Variants in SDK2 observed in about 807,000 individuals in gnomAD.
SDK2 encodes protein sidekick-2.
A neutral mutation model predicts 253.9 loss-of-function variants in SDK2; 105 were observed. The observed-to-expected ratio is 0.41, with a 90% confidence interval of 0.35 to 0.49. The LOEUF is 0.49. Ranked by LOEUF, SDK2 falls within the 20% of genes least tolerant of loss-of-function variation. SDK2 has a pLI of 0.06. For synonymous variants in SDK2, 1,249 were observed against 1,234.9 expected, an observed-to-expected ratio of 1.01 and a Z score of -0.24; for missense variants, 2,608 against 3,003.0, an observed-to-expected ratio of 0.87 and a Z score of 3.07.
intron 40 of SDK2, among the ~76,000 whole-genome samples, chr17:73,355,178 T>A (rs1393746335): frequency 0.035 from 380 of 10,738 alleles, 10 homozygotes; most frequent in African/African-American, 0.09. Context: ...ATATATATTT[T>A]TTTTTTTTTT....
At chr17:73,373,894 C>A (rs2062756472) in intron 36 of SDK2, among the ~76,000 whole-genome samples, 1 of 147,756 alleles carries the variant, frequency 6.8e-6, no homozygotes, top group South Asian at 2.2e-4. Flanking sequence ...ACCTTGGCTT[C>A]CCAAAGTGCT....
At chr17:73,526,103 G>A (rs1185965061) in intron 1 of SDK2, among the ~76,000 whole-genome samples, 2 of 152,202 alleles carry the variant, frequency 1.3e-5, no homozygotes, top group East Asian at 3.9e-4. Flanking sequence ...TGTCTCCAAT[G>A]AGCATCCTAA....
At chr17:73,366,097 T>C (rs2062682518) in intron 37 of SDK2, among the ~76,000 whole-genome samples, 1 of 152,136 alleles carries the variant, frequency 6.6e-6, no homozygotes, top group African/African-American at 2.4e-5. Context: ...ACCAGGCTAT[T>C]ATTGTCCGGC....
chr17:73,342,101 G>A (rs1383075857), intron 44 of SDK2, among the ~76,000 whole-genome samples: 6 of 102,076 alleles, frequency 5.9e-5, no homozygotes, highest in African/African-American at 1.2e-4. Flanking sequence ...CCCCCACCCC[G>A]ACTCCCAGCA....
rs991039457 is a variant in SDK2 at position 73,626,215 on chromosome 17, C to T, written c.64+17810G>A. 8.5e-5 allele frequency among the ~76,000 whole-genome samples: 13 copies of T among 152,226 alleles called. 1 individual carries two copies. Among genetic ancestry groups the T allele is most frequent in the African/African-American group, 1.9e-4 (8 of 41,462 alleles). On this transcript the variant is annotated intron_variant, in intron 1 of 44. Coordinates refer to ENST00000392650, the MANE Select transcript of SDK2 (RefSeq NM_001144952.2). Reference sequence around the variant, plus strand: ...GAGGGCAAGAGATGTGCCAGAATTGCGCCTGAGCGAGCTGGGGAACAGATC... The same window carrying T: ...GAGGGCAAGAGATGTGCCAGAATTGTGCCTGAGCGAGCTGGGGAACAGATC...
At chr17:73,504,487 C>G (rs1393747964) in intron 2 of SDK2, 1 of 151,410 alleles carries the variant, frequency 6.6e-6, no homozygotes, top group Non-Finnish European at 1.5e-5. Flanking sequence ...GAAAAATTAG[C>G]TGGGCATGGT....
At chr17:73,636,022 C>T (rs187462175) in intron 1 of SDK2, among the ~76,000 whole-genome samples, 32 of 152,306 alleles carry the variant, frequency 2.1e-4, no homozygotes, top group African/African-American at 5.5e-4. Context: ...ACTCTACACC[C>T]CTCCCTGGAC....
chr17:73,583,694 G>A (rs1345150324), intron 1 of SDK2, among the ~76,000 whole-genome samples: 3 of 111,912 alleles, frequency 2.7e-5, no homozygotes, highest in Non-Finnish European at 5.6e-5. Context: ...GAAGATGCAG[G>A]GCCAAGAGTG....
intron 44 of SDK2, among the ~76,000 whole-genome samples, chr17:73,344,583 A>G (rs2062466850): frequency 6.6e-6 from 1 of 152,250 alleles, no homozygotes; most frequent in African/African-American, 2.4e-5. Context: ...TTTCACTTGC[A>G]TGGCAGGACA....
At chr17:73,526,800 C>A (rs775612989) in intron 1 of SDK2, among the ~76,000 whole-genome samples, 1 of 152,178 alleles carries the variant, frequency 6.6e-6, no homozygotes, top group Non-Finnish European at 1.5e-5. Context: ...AGGACAGTTA[C>A]GTGCAGTGTG....
chr17:73,437,803 C>T lies in SDK2; in HGVS notation c.936G>A (p.Lys312=), dbSNP rs1236302650. The T allele has an allele frequency of 1.2e-6, 2 of 1,614,040 alleles. No individual in the cohort carries two copies. Among genetic ancestry groups the T allele is most frequent in the Non-Finnish European group, 1.7e-6 (2 of 1,179,888 alleles). The change falls in exon 8 of 45, where the codon AAG becomes AAA. Residue 312 remains lysine, a synonymous_variant. Transcript: ENST00000392650. The part of the protein sequence containing the change: ...LSVLEPPQFV[K]EPERHITAEM... ...CCGCAGTGATGTGTCTTTCTGGCTCCTTGACAAACTGAGGCGGTTCTGCAG... is the reference window on the plus strand; with the variant it reads ...CCGCAGTGATGTGTCTTTCTGGCTCTTTGACAAACTGAGGCGGTTCTGCAG...
chr17:73,391,701 C>T (rs560723296), intron 27 of SDK2, among the ~76,000 whole-genome samples, 163 bp from the exon 28 acceptor site: 1 of 152,308 alleles, frequency 6.6e-6, no homozygotes, highest in East Asian at 1.9e-4. Context: ...GTGTTAGGAG[C>T]CAGGGGCAAG....
chr17:73,435,231 A>G lies in SDK2; in HGVS notation c.1195+219T>C, dbSNP rs375754675. Among the ~76,000 whole-genome samples, 1 of 152,318 alleles carries G rather than the reference A, an allele frequency of 6.6e-6. No homozygotes were observed. The highest frequency in any genetic ancestry group is 1.9e-4 in the East Asian group (1 of 5,172). ...CCCCAGGACATTGGAGAGAACTTCT[A>G]GGGACCAGAGATTTCCTCCAGGGCT... On this transcript the variant is annotated intron_variant, in intron 9 of 44. Transcript: ENST00000392650. This position sits in a 1 kb window ranked among gnomAD's most constrained non-coding sequence, Gnocchi z 5.7.
intron 2 of SDK2, among the ~76,000 whole-genome samples, chr17:73,482,293 G>C (rs912447661): frequency 3.7e-4 from 56 of 151,730 alleles, no homozygotes; most frequent in African/African-American, 1.2e-3. Context: ...AGAAGAAGCA[G>C]GTCTGTCTCC....
chr17:73,466,056 G>C (rs2145682292), intron 3 of SDK2, among the ~76,000 whole-genome samples: 1 of 152,306 alleles, frequency 6.6e-6, no homozygotes, highest in South Asian at 2.1e-4. Context: ...GAGGGTGAAA[G>C]ATTTAAGGAG....
At chr17:73,558,126 C>T (rs908513786) in intron 1 of SDK2, among the ~76,000 whole-genome samples, 3 of 152,222 alleles carry the variant, frequency 2.0e-5, no homozygotes, top group Admixed American at 1.3e-4. Flanking sequence ...GAGTGAAGCG[C>T]CTTCTGCTGA....
rs140969148 is a variant in SDK2 at position 73,396,715 on chromosome 17, C to T, written c.3354+1320G>A. Among the ~76,000 whole-genome samples, 5 of 152,356 alleles carry T rather than the reference C, an allele frequency of 3.3e-5. No homozygotes were observed. In the East Asian group the frequency reaches 9.7e-4, roughly 29 times the overall value. On this transcript the variant is annotated intron_variant, in intron 24 of 44. Transcript: ENST00000392650. ...CACATGGCAGCTGCCTTTCTATTCCCCCATGCAGTCCCTGCCCTCCGCATC... is the reference window on the plus strand; with the variant it reads ...CACATGGCAGCTGCCTTTCTATTCCTCCATGCAGTCCCTGCCCTCCGCATC...
rs1323037659 is a variant in SDK2, at chr17:73,392,888, G to A, written c.3898+672C>T. On this transcript the variant is annotated intron_variant, in intron 27 of 44. Transcript: ENST00000392650. The stretch of plus-strand genomic sequence containing the variant: ...TTTTGCAAACAGGACCAGGAGGTTC[G>A]TGCGTCCAGGAAAAATACTTTCACA... Among the ~76,000 whole-genome samples the A allele has an allele frequency of 2.6e-5, 4 of 152,052 alleles. No individual in the cohort carries two copies. In the South Asian group the frequency reaches 6.2e-4, roughly 24 times the overall value.
intron 1 of SDK2, among the ~76,000 whole-genome samples, chr17:73,628,211 A>G (rs1170704831): frequency 1.3e-5 from 2 of 152,246 alleles, no homozygotes; most frequent in Non-Finnish European, 2.9e-5. Flanking sequence ...CCTCCTCAGG[A>G]GCACAGAGAG....
Sources: gnomAD v4.1 joint callset for allele counts (sites outside exome capture counted in the v4.1 genomes callset) on GRCh38, gnomAD v4.1.1 for gene constraint, Gnocchi (gnomAD v3.1) non-coding constraint, MANE v1.5 for transcripts, NCBI Gene and HGNC (gene_info 2026-07-23, HGNC 2026-07-21) for gene names.